STK32B: variants seen among roughly 807,000 people sequenced by gnomAD.
STK32B encodes serine/threonine-protein kinase 32B.
Under a neutral mutation model 52.6 loss-of-function variants are expected in STK32B, and 43 were observed. The observed-to-expected ratio is 0.82, with a 90% CI of 0.64 to 1.05. The LOEUF (loss-of-function observed/expected upper bound fraction) is 1.05, where lower values mean the gene tolerates loss of function less well. Among genes scored for constraint, STK32B ranks in the 50% least tolerant of loss-of-function variants. The pLI is 0.00. For missense variants in STK32B, 621 were observed against 534.6 expected, an observed-to-expected ratio of 1.16 and a Z score of -1.59; for synonymous variants, 238 against 204.3, an observed-to-expected ratio of 1.17 and a Z score of -1.41.
intron 3 of STK32B, among the ~76,000 whole-genome samples, chr4:5,324,100 T>A (rs1731714843): frequency 6.6e-6 from 1 of 152,232 alleles, no homozygotes; most frequent in Non-Finnish European, 1.5e-5. Flanking sequence ...ACACCTGTAA[T>A]CCTAGCACTT....
chr4:5,149,475 T>A (rs895507094), intron 2 of STK32B, among the ~76,000 whole-genome samples: 2 of 151,896 alleles, frequency 1.3e-5, no homozygotes, highest in Non-Finnish European at 3.0e-5. Flanking sequence ...ATCTATTGAC[T>A]TTGTAAGTAT....
chr4:5,322,409 C>T (rs995642102), intron 3 of STK32B, among the ~76,000 whole-genome samples: 9 of 152,074 alleles, frequency 5.9e-5, no homozygotes, highest in African/African-American at 1.7e-4. Context: ...CTGCTACCCT[C>T]GGAGGTCAGA....
At chr4:5,129,468 T>G (rs545230661) in intron 1 of STK32B, among the ~76,000 whole-genome samples, 1 of 152,362 alleles carries the variant, frequency 6.6e-6, no homozygotes, top group South Asian at 2.1e-4. Context: ...GCAATGACTA[T>G]TTGTTGAATG....
At position 5,240,416 on chromosome 4, in the gene STK32B, T is replaced by C. The variant is rs144519603; in HGVS notation, c.260+71966T>C. Among the ~76,000 whole-genome samples, 670 of 152,314 alleles carry C rather than the reference T, an allele frequency of 4.4e-3. 3 individuals carry two copies. The highest frequency in any genetic ancestry group is 0.015 in the African/African-American group (642 of 41,554). On this transcript the variant is annotated intron_variant, in intron 3 of 11. Coordinates refer to ENST00000282908, the MANE Select transcript of STK32B (RefSeq NM_018401.3). ...GTCTGTGGCTTAACTTTTCACTCTTTTATGATACCTTTTGACATGTAGAAG... is the reference window on the plus strand; with the variant it reads ...GTCTGTGGCTTAACTTTTCACTCTTCTATGATACCTTTTGACATGTAGAAG...
At chr4:5,160,445 C>A (rs1234865941) in intron 2 of STK32B, among the ~76,000 whole-genome samples, 1 of 152,164 alleles carries the variant, frequency 6.6e-6, no homozygotes, top group Non-Finnish European at 1.5e-5. Context: ...TGTGCCCTCT[C>A]CTGGTAACCC....
chr4:5,352,242 C>G (rs985009201), intron 4 of STK32B, among the ~76,000 whole-genome samples: 4 of 151,994 alleles, frequency 2.6e-5, no homozygotes, highest in African/African-American at 9.7e-5. Context: ...AAAAATTAAT[C>G]CACATGATCA....
chr4:5,278,670 G>C (rs1560281509), intron 3 of STK32B, among the ~76,000 whole-genome samples: 1 of 152,110 alleles, frequency 6.6e-6, no homozygotes, highest in Non-Finnish European at 1.5e-5. Context: ...GAGAGTTATG[G>C]TATTAGTCCC....
intron 5 of STK32B, among the ~76,000 whole-genome samples, chr4:5,403,529 T>C (rs1052677346): frequency 3.9e-5 from 6 of 152,200 alleles, no homozygotes; most frequent in African/African-American, 7.2e-5. Flanking sequence ...CTATCAGTCA[T>C]CTCCTGATCT....
chr4:5,343,202 T>C (rs1324459154), intron 4 of STK32B, among the ~76,000 whole-genome samples: 1 of 151,480 alleles, frequency 6.6e-6, no homozygotes, highest in Non-Finnish European at 1.5e-5. Flanking sequence ...ATGTGGTGTT[T>C]GGTTTTTTGT....
the STK32B span, among the ~76,000 whole-genome samples, chr4:5,036,880 C>T: frequency 1.3e-5 from 2 of 151,858 alleles, no homozygotes. Flanking sequence ...GTTGGCCAGG[C>T]TGGTCTTGAA....
In STK32B at chr4:5,378,168, TC is replaced by T. The variant is rs1184283276; in HGVS notation, c.435-20038del. Reference sequence around the variant, plus strand: ...ACTGCCTCCCCGTCTGTCTGAGTGTTCATTCATGTCCAGTCCAGTAGCGCCC... The same window carrying T: ...ACTGCCTCCCCGTCTGTCTGAGTGTTATTCATGTCCAGTCCAGTAGCGCCC... On this transcript the variant is annotated intron_variant, in intron 4 of 11. Transcript: ENST00000282908. The surrounding 1 kb of genome is among the most constrained non-coding windows in gnomAD (Gnocchi z 4.4). Among the ~76,000 whole-genome samples, 1 of 152,224 alleles carries T rather than the reference TC, an allele frequency of 6.6e-6. No homozygotes were observed. Among genetic ancestry groups the T allele is most frequent in the Non-Finnish European group, 1.5e-5 (1 of 68,036 alleles).
chr4:5,050,481 A>T (rs1741718419), upstream of STK32B, among the ~76,000 whole-genome samples: 1 of 152,156 alleles, frequency 6.6e-6, no homozygotes, highest in African/African-American at 2.4e-5. Context: ...TCTCCCAAGA[A>T]AAAGAAAGAA....
intron 6 of STK32B, among the ~76,000 whole-genome samples, chr4:5,436,317 T>G (rs933155801): frequency 1.3e-5 from 2 of 152,292 alleles, no homozygotes; most frequent in Non-Finnish European, 2.9e-5. Context: ...ATTGATGTCA[T>G]AATCCCTATG....
intron 3 of STK32B, among the ~76,000 whole-genome samples, chr4:5,316,845 TA>T (rs1560311733): frequency 0.17 from 295 of 1,712 alleles, 34 homozygotes; most frequent in Non-Finnish European, 0.21. Context: ...ATATTATATA[TA>T]ATATATTATA....
chr4:5,026,439 T>C, the STK32B span, among the ~76,000 whole-genome samples: 1 of 152,186 alleles, frequency 6.6e-6, no homozygotes, highest in East Asian at 1.9e-4. Flanking sequence ...AGAAGGCATC[T>C]CTTAGCAAGG....
intron 3 of STK32B, among the ~76,000 whole-genome samples, chr4:5,226,755 C>T (rs1019312258): frequency 2.6e-5 from 4 of 152,258 alleles, no homozygotes; most frequent in Non-Finnish European, 5.9e-5. Flanking sequence ...TAATCTCTTA[C>T]TGGTTCTAAT....
intron 3 of STK32B, among the ~76,000 whole-genome samples, chr4:5,240,649 G>A (rs1363514875): frequency 2.0e-5 from 3 of 152,204 alleles, no homozygotes; most frequent in African/African-American, 7.2e-5. Flanking sequence ...TAGGAGAGAT[G>A]TGGTTTCACC....
At chr4:5,284,202 C>T (rs1728397850) in intron 3 of STK32B, among the ~76,000 whole-genome samples, 1 of 152,054 alleles carries the variant, frequency 6.6e-6, no homozygotes, top group Admixed American at 6.6e-5. Context: ...AGCCTCATGG[C>T]ACCCGCAAAG....
intron 11 of STK32B, among the ~76,000 whole-genome samples, chr4:5,477,669 G>C (rs763146423): frequency 5.3e-5 from 8 of 152,188 alleles, no homozygotes; most frequent in Non-Finnish European, 1.0e-4. Flanking sequence ...CCATATGGCA[G>C]TGATCATGAC....
Sources: allele counts gnomAD v4.1 joint callset (sites outside exome capture counted in the v4.1 genomes callset), GRCh38; gene constraint gnomAD v4.1.1; non-coding constraint Gnocchi (gnomAD v3.1); transcripts MANE v1.5; gene names NCBI Gene and HGNC (gene_info 2026-07-23, HGNC 2026-07-21).